The following ATAD1 variants were observed in gnomAD, a reference collection of about 807,000 sequenced individuals.
ATAD1 encodes the protein ATPase family AAA domain containing 1, also known as outer mitochondrial transmembrane helix translocase.
Under a neutral mutation model 42.7 loss-of-function variants are expected in ATAD1, and 18 were observed. The ratio of observed to expected loss-of-function variants is 0.42; its 90% CI spans 0.29 to 0.63. ATAD1 has a LOEUF of 0.63. ATAD1 is among the 20% of genes least tolerant of loss of function. The pLI, the probability that ATAD1 is intolerant of heterozygous loss-of-function variation, is 0.19. For synonymous variants in ATAD1, 132 were observed against 143.1 expected, an observed-to-expected ratio of 0.92 and a Z score of 0.55; for missense variants, 294 against 440.4, an observed-to-expected ratio of 0.67 and a Z score of 2.98.
chr10:87,825,351 C>A (rs1428596386), intron 1 of ATAD1, among the ~76,000 whole-genome samples: 2 of 150,268 alleles, frequency 1.3e-5, no homozygotes, highest in East Asian at 3.9e-4. Flanking sequence ...GCTCAGTCGC[C>A]CAGGCTGGAG....
chr10:87,785,417 C>A (rs185962819), intron 4 of ATAD1, among the ~76,000 whole-genome samples: 1 of 149,342 alleles, frequency 6.7e-6, no homozygotes, highest in East Asian at 2.0e-4. Context: ...TATAATTTTA[C>A]CAAATTACTA....
intron 5 of ATAD1, among the ~76,000 whole-genome samples, chr10:87,777,179 A>G (rs955179130): frequency 2.6e-5 from 4 of 152,186 alleles, no homozygotes; most frequent in African/African-American, 9.6e-5. Context: ...ATCTCAGATG[A>G]AAGCCTGTGT....
chr10:87,799,309 G>GT (rs1564768862), intron 2 of ATAD1, among the ~76,000 whole-genome samples: 1 of 152,136 alleles, frequency 6.6e-6, no homozygotes, highest in East Asian at 1.9e-4. Context: ...CTTTGCTTGC[G>GT]TAATTGTTAA....
intron 1 of ATAD1, among the ~76,000 whole-genome samples, chr10:87,837,808 T>C (rs1341775277): frequency 6.6e-6 from 1 of 152,166 alleles, no homozygotes; most frequent in Non-Finnish European, 1.5e-5. Context: ...TGGAAGAAGG[T>C]TCCCCTCCCT....
At chr10:87,839,550 A>G (rs1373096297) in intron 1 of ATAD1, among the ~76,000 whole-genome samples, 1 of 152,208 alleles carries the variant, frequency 6.6e-6, no homozygotes, top group Admixed American at 6.5e-5. Flanking sequence ...CCATCAAGAG[A>G]AGGACAAGTC....
intron 4 of ATAD1, among the ~76,000 whole-genome samples, chr10:87,786,445 C>A (rs930824219): frequency 3.9e-5 from 6 of 152,134 alleles, no homozygotes; most frequent in Non-Finnish European, 8.8e-5. Context: ...TACTTTTTAG[C>A]AGGATTAAGT....
At chr10:87,767,287 T>C (rs1854798689) in intron 8 of ATAD1, among the ~76,000 whole-genome samples, 1 of 152,122 alleles carries the variant, frequency 6.6e-6, no homozygotes, top group African/African-American at 2.4e-5. Flanking sequence ...GGGACCAATT[T>C]TGTGGAAGAC....
At chr10:87,758,312 G>T (rs769650052) in intron 8 of ATAD1, among the ~76,000 whole-genome samples, 16 of 152,116 alleles carry the variant, frequency 1.1e-4, no homozygotes, top group Non-Finnish European at 1.3e-4. Flanking sequence ...GGAAGAAAGA[G>T]AATGTGTAAT....
At chr10:87,789,594 T>A (rs1194285884) in intron 4 of ATAD1, among the ~76,000 whole-genome samples, 1 of 152,100 alleles carries the variant, frequency 6.6e-6, no homozygotes, top group East Asian at 1.9e-4. Context: ...TGGTGGCACA[T>A]GCCTGTGGTC....
At chr10:87,829,410 G>A (rs1213283816) in intron 1 of ATAD1, among the ~76,000 whole-genome samples, 3 of 151,680 alleles carry the variant, frequency 2.0e-5, no homozygotes, top group African/African-American at 4.8e-5. Context: ...CACGTGCCAC[G>A]ATGCCCAGCT....
At chr10:87,767,649 A>C (rs1854823441) in intron 8 of ATAD1, 24 bp downstream of exon 8, 1 of 1,592,230 alleles carries the variant, frequency 6.3e-7, no homozygotes, top group South Asian at 1.1e-5. Flanking sequence ...TAGGACGGGG[A>C]AAAAATTTTT....
chr10:87,792,393 C>T (rs1297890683), intron 3 of ATAD1, among the ~76,000 whole-genome samples: 2 of 152,196 alleles, frequency 1.3e-5, no homozygotes, highest in East Asian at 3.8e-4. Flanking sequence ...ACTTGATGCA[C>T]TAATTAAGCA....
Position 87,751,629 on chromosome 10 carries a change from A to T in ATAD1, c.*3058T>A, listed in dbSNP as rs1407603670. On this transcript the variant is annotated 3_prime_UTR_variant, in exon 10 of 10. Transcript: ENST00000680024. ...TGTAAATAAAGAGAACTTTAGCTTT[A>T]AAAAAAAGATTAGAGAACTCTATCT... The T allele has an allele frequency of 6.6e-6, 1 of 152,042 alleles. No homozygotes were observed. Among genetic ancestry groups the T allele is most frequent in the Non-Finnish European group, 1.5e-5 (1 of 67,976 alleles). 9.4% of individuals were successfully genotyped at this position (152,042 alleles called of 1,614,324 possible).
chr10:87,811,671 A>G (rs571735347), intron 2 of ATAD1, among the ~76,000 whole-genome samples: 2 of 152,226 alleles, frequency 1.3e-5, no homozygotes, highest in South Asian at 4.1e-4. Context: ...ATTTGGGAAA[A>G]GTTCTACAAA....
chr10:87,811,153 T>G (rs1857158853), intron 2 of ATAD1, among the ~76,000 whole-genome samples: 1 of 151,962 alleles, frequency 6.6e-6, no homozygotes, highest in Admixed American at 6.6e-5. Flanking sequence ...GTCAACATGG[T>G]GAAACCCCGT....
intron 1 of ATAD1, among the ~76,000 whole-genome samples, chr10:87,835,558 T>C (rs1004417715): frequency 6.6e-6 from 1 of 152,180 alleles, no homozygotes; most frequent in Non-Finnish European, 1.5e-5. Context: ...AATTGAGTTC[T>C]TTTTTACAAC....
intron 5 of ATAD1, among the ~76,000 whole-genome samples, chr10:87,782,452 A>C (rs1855611612): frequency 6.6e-6 from 1 of 152,236 alleles, no homozygotes. Flanking sequence ...CCAGTATAAA[A>C]TAGCAATTAA....
rs1854047082 is a variant in ATAD1 at position 87,752,252 on chromosome 10, C to T, written c.*2435G>A. 6.6e-6 allele frequency: 1 copy of T among 152,132 alleles called. No individual in the cohort carries two copies. Among genetic ancestry groups the T allele is most frequent in the Non-Finnish European group, 1.5e-5 (1 of 68,024 alleles). 9.4% of individuals were successfully genotyped at this position (152,132 alleles called of 1,614,324 possible). A position where few individuals can be genotyped will look rare whatever the true frequency, so the allele number is the denominator to read the frequency against. On this transcript the variant is annotated 3_prime_UTR_variant, in exon 10 of 10. Coordinates refer to ENST00000680024, the MANE Select transcript of ATAD1 (RefSeq NM_001321967.2). The stretch of plus-strand genomic sequence containing the variant: ...TATCAAAAGTCTTCCAGCAATGATG[C>T]TTTTAGAGAAACATGGCATAAATGA...
At chr10:87,802,573 G>C (rs758363954) in intron 2 of ATAD1, among the ~76,000 whole-genome samples, 3 of 151,560 alleles carry the variant, frequency 2.0e-5, no homozygotes, top group Non-Finnish European at 4.4e-5. Context: ...TGGGAGGCCA[G>C]GGCAGGCAGA....
Sources: gnomAD v4.1 joint callset for allele counts (sites outside exome capture counted in the v4.1 genomes callset) on GRCh38, gnomAD v4.1.1 for gene constraint, MANE v1.5 for transcripts, NCBI Gene and HGNC (gene_info 2026-07-23, HGNC 2026-07-21) for gene names.